Variants in MPLKIP observed in about 807,000 individuals in gnomAD.
The protein encoded by MPLKIP is M-phase-specific PLK1-interacting protein.
Under a neutral mutation model 16.9 loss-of-function variants are expected in MPLKIP, and 16 were observed. The observed-to-expected ratio is 0.94, with a 90% CI of 0.64 to 1.43. The LOEUF (loss-of-function observed/expected upper bound fraction) is 1.43. Among genes scored for constraint, MPLKIP ranks in the 40% most tolerant of loss-of-function variants. The pLI is 0.00. For missense variants in MPLKIP, 282 were observed against 237.6 expected (o/e 1.19, Z -1.23); for synonymous variants, 126 against 98.4 (o/e 1.28, Z -1.66).
Position 40,134,597 on chromosome 7 carries a change from C to A in MPLKIP, c.-30G>T. 6.4e-7 allele frequency: 1 copy of A among 1,552,134 alleles called. No homozygotes were observed. The highest frequency in any genetic ancestry group is 8.7e-7 in the Non-Finnish European group (1 of 1,150,560). On this transcript the variant is annotated 5_prime_UTR_variant, in exon 1 of 2. Transcript: ENST00000306984. ...GGAGCCAAAGCCGAAAACCTCGCAG[C>A]CGCGTTCTCCCACCGGAACTGTATC...
intron 1 of MPLKIP, among the ~76,000 whole-genome samples, chr7:40,133,524 G>A (rs1584123845): frequency 1.3e-5 from 2 of 152,104 alleles, no homozygotes; most frequent in East Asian, 1.9e-4. Context: ...TAGTAACTTT[G>A]CAGTAATTAA....
At position 40,131,160 on chromosome 7, in the gene MPLKIP, T is replaced by G. The variant is rs928769990; in HGVS notation, c.*1899A>C. ...GTGAACTCATCCAGCTAGTAACTTG[T>G]AGAAACAGCATTTCCAAAATCCTGG... is the stretch of plus-strand genomic sequence containing the variant. On this transcript the variant is annotated 3_prime_UTR_variant, in exon 2 of 2. Coordinates refer to ENST00000306984, the MANE Select transcript of MPLKIP (RefSeq NM_138701.4). 6.6e-6 allele frequency: 1 copy of G among 151,552 alleles called. No homozygotes were observed. Among genetic ancestry groups the G allele is most frequent in the Non-Finnish European group, 1.5e-5 (1 of 68,036 alleles). The allele number at this position is 151,552 out of a possible 1,614,324, so 9.4% of individuals were successfully genotyped here.
rs568200097 is a variant in MPLKIP at position 40,129,864 on chromosome 7, G to A, written c.*3195C>T. On this transcript the variant is annotated 3_prime_UTR_variant, in exon 2 of 2. Transcript: ENST00000306984. ...CTTGATAAGGGTAGTGGCAAGGTTCGAGAAGGGTATGAGACTTTAAATATT... is the reference window on the plus strand; with the variant it reads ...CTTGATAAGGGTAGTGGCAAGGTTCAAGAAGGGTATGAGACTTTAAATATT... 4 of 152,182 alleles carry A rather than the reference G, an allele frequency of 2.6e-5. No individual in the cohort carries two copies. The highest frequency in any genetic ancestry group is 2.1e-4 in the South Asian group (1 of 4,818). 9.4% of individuals were successfully genotyped at this position (152,182 alleles called of 1,614,324 possible).
In MPLKIP at chr7:40,134,487, GA is replaced by G. The variant is rs757445367; in HGVS notation, c.80del (p.Phe27SerfsTer126). On this transcript the variant is annotated frameshift_variant, in exon 1 of 2. Coordinates refer to ENST00000306984, the MANE Select transcript of MPLKIP (RefSeq NM_138701.4). LOFTEE classifies it high-confidence loss of function. ...GTCCGCCCCCGCCCGGGGTTCCCCG[GA>G]AGCTGCTTCCGCTACCCCAACCTCC... The part of the protein sequence containing the change: ...GGGGWGSGSS[F>X]RGTPGGGGPR... 6.3e-7 allele frequency: 1 copy of G among 1,578,718 alleles called. No individual in the cohort carries two copies. Among genetic ancestry groups the G allele is most frequent in the East Asian group, 2.3e-5 (1 of 43,230 alleles).
chr7:40,134,225 T>C lies in MPLKIP; in HGVS notation c.339+4A>G, dbSNP rs761032933. On this transcript the variant is annotated splice_donor_region_variant and intron_variant, in intron 1 of 1. Transcript: ENST00000306984. ...GCTCGGCAAACGCTGGCTATTATTA[T>C]TACCTGGGGGTGGGTCTGCTGCTGC... The C allele has an allele frequency of 1.3e-6, 2 of 1,553,222 alleles. No individual in the cohort carries two copies. The highest frequency in any genetic ancestry group is 1.7e-6 in the Non-Finnish European group (2 of 1,148,120).
rs1034158846 is a variant in MPLKIP at position 40,130,164 on chromosome 7, C to G, written c.*2895G>C. ...TTTGAAGACTCTACTATAGACTACACTTCCATCCTTTAAGCATATGAATTT... is the reference window on the plus strand; with the variant it reads ...TTTGAAGACTCTACTATAGACTACAGTTCCATCCTTTAAGCATATGAATTT... On this transcript the variant is annotated 3_prime_UTR_variant, in exon 2 of 2. Coordinates refer to ENST00000306984, the MANE Select transcript of MPLKIP (RefSeq NM_138701.4). 1 of 152,300 alleles carries G rather than the reference C, an allele frequency of 6.6e-6. No homozygotes were observed. Among genetic ancestry groups the G allele is most frequent in the East Asian group, 1.9e-4 (1 of 5,186 alleles). The allele number at this position is 152,300 out of a possible 1,614,324, so 9.4% of individuals were successfully genotyped here.
chr7:40,128,915 C>CCAAAAA lies in MPLKIP; in HGVS notation c.*4143_*4144insTTTTTG, dbSNP rs1554342326. The CCAAAAA allele has an allele frequency of 3.2e-5, 2 of 62,372 alleles. No individual in the cohort carries two copies. The highest frequency in any genetic ancestry group is 3.0e-5 in the Non-Finnish European group (1 of 33,846). The allele number at this position is 62,372 out of a possible 1,614,324, so 3.9% of individuals were successfully genotyped here. On this transcript the variant is annotated 3_prime_UTR_variant, in exon 2 of 2. Transcript: ENST00000306984. Reference sequence around the variant, plus strand: ...TGGGTGACAGAACAAGACTTCGTCTCAAAAAAAAAAAAAAAAAAAAAAGAA... The same window carrying CCAAAAA: ...TGGGTGACAGAACAAGACTTCGTCTCCAAAAAAAAAAAAAAAAAAAAAAAAAAAGAA...
At position 40,128,548 on chromosome 7, in the gene MPLKIP, C is replaced by T. The variant is rs1787421230; in HGVS notation, c.*4511G>A. The T allele has an allele frequency of 6.6e-6, 1 of 152,144 alleles. No individual in the cohort carries two copies. Among genetic ancestry groups the T allele is most frequent in the African/African-American group, 2.4e-5 (1 of 41,438 alleles). The allele number at this position is 152,144 out of a possible 1,614,324, so 9.4% of individuals were successfully genotyped here. ...TAAACATGAAACTTTTAACTTCCTCCTCCTTGATATCATGCAAACTATGCT... is the reference window on the plus strand; with the variant it reads ...TAAACATGAAACTTTTAACTTCCTCTTCCTTGATATCATGCAAACTATGCT... On this transcript the variant is annotated 3_prime_UTR_variant, in exon 2 of 2. Coordinates refer to ENST00000306984, the MANE Select transcript of MPLKIP (RefSeq NM_138701.4).
chr7:40,128,394 T>C lies in MPLKIP; in HGVS notation c.*4665A>G, dbSNP rs940435826. 2.0e-5 allele frequency: 3 copies of C among 152,166 alleles called. No homozygotes were observed. The highest frequency in any genetic ancestry group is 6.5e-5 in the Admixed American group (1 of 15,278). The allele number at this position is 152,166 out of a possible 1,614,324, so 9.4% of individuals were successfully genotyped here. On this transcript the variant is annotated 3_prime_UTR_variant, in exon 2 of 2. Coordinates refer to ENST00000306984, the MANE Select transcript of MPLKIP (RefSeq NM_138701.4). The stretch of plus-strand genomic sequence containing the variant: ...ATATGGAATTTATAGAACCTAATAA[T>C]AAATGTACTGGCAAGGGTTAATGAA...
At chr7:40,133,981 T>G (rs1787528840) in intron 1 of MPLKIP, among the ~76,000 whole-genome samples, 1 of 151,684 alleles carries the variant, frequency 6.6e-6, no homozygotes, top group African/African-American at 2.4e-5. Context: ...TAGGAAAATC[T>G]GTGTACGGGT....
rs2150558970 is a variant in MPLKIP, at chr7:40,130,209, G to GT, written c.*2849dup. 1 of 152,188 alleles carries GT rather than the reference G, an allele frequency of 6.6e-6. No individual in the cohort carries two copies. Among genetic ancestry groups the GT allele is most frequent in the South Asian group, 2.1e-4 (1 of 4,820 alleles). 9.4% of individuals were successfully genotyped at this position (152,188 alleles called of 1,614,324 possible). A position where few individuals can be genotyped will look rare whatever the true frequency, so the allele number is the denominator to read the frequency against. On this transcript the variant is annotated 3_prime_UTR_variant, in exon 2 of 2. Transcript: ENST00000306984. ...GAATTTTTAAGATGTATACTTAATT[G>GT]TAAGTTTTTCTAAAAAGTTATTCAG...
chr7:40,133,290 T>C, intron 1 of MPLKIP, 31 bp from the exon 2 acceptor site: 1 of 1,576,500 alleles, frequency 6.3e-7, no homozygotes, highest in Non-Finnish European at 8.7e-7. Context: ...AAAAAAACAC[T>C]TAGTAAAGAT....
intron 1 of MPLKIP, among the ~76,000 whole-genome samples, chr7:40,133,760 G>A (rs1777163074): frequency 6.6e-6 from 1 of 151,868 alleles, no homozygotes; most frequent in African/African-American, 2.4e-5. Flanking sequence ...AGAAATCCCA[G>A]ACATGCTAGA....
At chr7:40,133,327 G>C (rs1299122159) in intron 1 of MPLKIP, 68 bp from the exon 2 acceptor site, 2 of 1,383,084 alleles carry the variant, frequency 1.4e-6, no homozygotes, top group East Asian at 2.3e-5. Flanking sequence ...TTTAGCTAAA[G>C]GTTAGCGGGA....
chr7:40,133,390 A>G (rs1045593083), intron 1 of MPLKIP, 131 bp from the exon 2 acceptor site: 1 of 779,652 alleles, frequency 1.3e-6, no homozygotes, highest in Non-Finnish European at 2.2e-6. Context: ...GTTCAATTAC[A>G]AAGTCCATGC....
intron 1 of MPLKIP, 126 bp from the exon 2 acceptor site, chr7:40,133,385 A>AC (rs1787502087): frequency 1.2e-6 from 1 of 810,242 alleles, no homozygotes; most frequent in South Asian, 1.4e-5. Flanking sequence ...ATAATGTTCA[A>AC]TTACAAAGTC....
chr7:40,134,357 C>A lies in MPLKIP; in HGVS notation c.211G>T (p.Gly71Cys), dbSNP rs1226669458. Residue 71 changes from glycine (G) to cysteine (C), a missense_variant, in exon 1 of 2, where the codon GGC becomes TGC. Physicochemically the swap from Gly to Cys is radical, Grantham distance 159. Coordinates refer to ENST00000306984, the MANE Select transcript of MPLKIP (RefSeq NM_138701.4). ...YGSSHSPRHGGSFPGGRFGSP... is the reference protein window; with the variant it reads ...YGSSHSPRHGCSFPGGRFGSP... The stretch of plus-strand genomic sequence containing the variant: ...CCGAACCGGCCCCCCGGGAAGCTGC[C>A]GCCGTGTCGCGGAGAGTGACTGCTC... The A allele has an allele frequency of 1.3e-6, 2 of 1,553,622 alleles. No homozygotes were observed. The highest frequency in any genetic ancestry group is 1.7e-6 in the Non-Finnish European group (2 of 1,149,502).
chr7:40,129,472 G>C lies in MPLKIP; in HGVS notation c.*3587C>G. 6.6e-6 allele frequency: 1 copy of C among 152,076 alleles called. No individual in the cohort carries two copies. The highest frequency in any genetic ancestry group is 2.4e-5 in the African/African-American group (1 of 41,398). The allele number at this position is 152,076 out of a possible 1,614,324, so 9.4% of individuals were successfully genotyped here. On this transcript the variant is annotated 3_prime_UTR_variant, in exon 2 of 2. Transcript: ENST00000306984. ...AGGCTTTACCATATTGGCCAGGCTG[G>C]TCTCAAACTCCGAACCTCAAGTGAT...
chr7:40,134,596 G>C lies in MPLKIP; in HGVS notation c.-29C>G. On this transcript the variant is annotated 5_prime_UTR_variant, in exon 1 of 2. Transcript: ENST00000306984. ...AGGAGCCAAAGCCGAAAACCTCGCA[G>C]CCGCGTTCTCCCACCGGAACTGTAT... The C allele has an allele frequency of 3.2e-6, 5 of 1,554,792 alleles. No homozygotes were observed. The highest frequency in any genetic ancestry group is 4.3e-6 in the Non-Finnish European group (5 of 1,152,184).
Sources: gnomAD v4.1 joint callset for allele counts (sites outside exome capture counted in the v4.1 genomes callset) on GRCh38, gnomAD v4.1.1 for gene constraint, MANE v1.5 for transcripts, NCBI Gene and HGNC (gene_info 2026-07-23, HGNC 2026-07-21) for gene names.